P2RX5: variants seen among roughly 807,000 people sequenced by gnomAD.
P2RX5 encodes purinergic receptor P2X 5, also known as P2X purinoceptor 5.
A neutral mutation model predicts 54.1 loss-of-function variants in P2RX5; 46 were observed. That is an observed-to-expected ratio of 0.85 (90% CI 0.67 to 1.09). The LOEUF (loss-of-function observed/expected upper bound fraction) is 1.09. Ranked by LOEUF, P2RX5 falls within the 50% of genes least tolerant of loss-of-function variation. The pLI, the probability that P2RX5 is intolerant of heterozygous loss-of-function variation, is 0.00. For missense variants in P2RX5, 566 were observed against 549.8 expected, an observed-to-expected ratio of 1.03 and a Z score of -0.29; for synonymous variants, 226 against 226.4, an observed-to-expected ratio of 1.00 and a Z score of 0.02.
intron 11 of P2RX5, chr17:3,677,587 C>G (rs2050133938): frequency 6.1e-6 from 6 of 985,392 alleles, no homozygotes; most frequent in Non-Finnish European, 7.2e-6. Flanking sequence ...TTTCGGAAAC[C>G]CTGCTAGAGG....
At chr17:3,681,525 G>A (rs1025260005) in intron 10 of P2RX5, among the ~76,000 whole-genome samples, 3 of 152,154 alleles carry the variant, frequency 2.0e-5, no homozygotes, top group Non-Finnish European at 2.9e-5. Context: ...CCTCAGCCCC[G>A]GCGCACCAGG....
intron 10 of P2RX5, among the ~76,000 whole-genome samples, 195 bp from the exon 11 acceptor site, chr17:3,679,979 G>GTCCTCCACCCTGCT (rs1438149557): frequency 1.6e-4 from 23 of 145,480 alleles, no homozygotes; most frequent in East Asian, 4.1e-4. Flanking sequence ...TCCACCCTGA[G>GTCCTCCACCCTGCT]TCCTCCACCC....
the P2RX5 span, chr17:3,715,074 AACTT>A: frequency 3.2e-6 from 2 of 616,280 alleles, no homozygotes; most frequent in Non-Finnish European, 5.8e-6. Flanking sequence ...CCCTTCTCCT[AACTT>A]ACTCTGAATC....
At chr17:3,685,489 C>T (rs144618530) in intron 9 of P2RX5, 2,261 of 154,228 alleles carry the variant, frequency 0.015, 36 homozygotes, top group Middle Eastern at 0.082. Context: ...GAGGGTGGGA[C>T]GCGGGGAGGG....
chr17:3,722,154 C>A, the P2RX5 span, among the ~76,000 whole-genome samples: 1 of 145,210 alleles, frequency 6.9e-6, no homozygotes, highest in Non-Finnish European at 1.5e-5. Flanking sequence ...ACAACAAGAG[C>A]GAAACTCCGT....
At chr17:3,719,252 A>G in the P2RX5 span, among the ~76,000 whole-genome samples, 11 of 130,324 alleles carry the variant, frequency 8.4e-5, no homozygotes, top group South Asian at 4.4e-4. Flanking sequence ...AAAAAAAAAA[A>G]AAAAGAAAAG....
chr17:3,703,312 G>A, the P2RX5 span, among the ~76,000 whole-genome samples: 4 of 152,028 alleles, frequency 2.6e-5, no homozygotes, highest in Non-Finnish European at 4.4e-5. Context: ...AGAGACCAGC[G>A]TGGACAACGA....
chr17:3,712,041 G>A, the P2RX5 span, among the ~76,000 whole-genome samples: 2 of 152,180 alleles, frequency 1.3e-5, no homozygotes, highest in Admixed American at 6.5e-5. Flanking sequence ...TGGAAGTGGG[G>A]TCTTATTTGC....
chr17:3,685,033 G>A (rs1198597744), intron 9 of P2RX5, among the ~76,000 whole-genome samples: 1 of 151,826 alleles, frequency 6.6e-6, no homozygotes, highest in Non-Finnish European at 1.5e-5. Context: ...TTTAGTAGAG[G>A]CAGGGTTTCT....
chr17:3,692,044 G>A (rs182600414), intron 1 of P2RX5: 150 of 537,150 alleles, frequency 2.8e-4, no homozygotes, highest in South Asian at 1.9e-3. Flanking sequence ...AAGACCAGCC[G>A]GGCGCAGTGG....
At chr17:3,711,367 A>ATTTTTTTTTTTTTTTTTTTTTTTTTTTTT in the P2RX5 span, among the ~76,000 whole-genome samples, 1 of 88,154 alleles carries the variant, frequency 1.1e-5, no homozygotes, top group Non-Finnish European at 2.1e-5. Context: ...CCCAGCACTC[A>ATTTTTTTTTTTTTTTTTTTTTTTTTTTTT]TTCTTTTTTT....
chr17:3,705,271 G>A, the P2RX5 span, among the ~76,000 whole-genome samples: 498 of 152,230 alleles, frequency 3.3e-3, 1 homozygote, highest in African/African-American at 0.011. Context: ...CAAATACCAC[G>A]AATGCCCGTG....
the P2RX5 span, chr17:3,715,029 G>T: frequency 1.4e-6 from 1 of 730,232 alleles, no homozygotes; most frequent in Non-Finnish European, 2.4e-6. Flanking sequence ...TGCCTAAATA[G>T]CCCCTATATT....
At chr17:3,677,035 C>G in intron 11 of P2RX5, 1 of 960,870 alleles carries the variant, frequency 1.0e-6, no homozygotes, top group Non-Finnish European at 1.2e-6. Flanking sequence ...GCACTCCAGC[C>G]TGGGTGACAG....
upstream of P2RX5, among the ~76,000 whole-genome samples, chr17:3,699,838 G>GAGAA (rs143017694): frequency 1.3e-4 from 17 of 127,762 alleles, 1 homozygote; most frequent in African/African-American, 4.0e-4. Context: ...GAGAGAGAGA[G>GAGAA]AGAAAGAAAA....
At chr17:3,712,240 C>T in the P2RX5 span, among the ~76,000 whole-genome samples, 2 of 152,132 alleles carry the variant, frequency 1.3e-5, no homozygotes, top group African/African-American at 4.8e-5. Context: ...AAACAGAGAA[C>T]AATATCATCA....
At chr17:3,714,461 C>T in the P2RX5 span, among the ~76,000 whole-genome samples, 1 of 151,676 alleles carries the variant, frequency 6.6e-6, no homozygotes, top group East Asian at 1.9e-4. Context: ...CTCTTGACCT[C>T]GTGATCTGCC....
At chr17:3,723,467 G>GT in the P2RX5 span, 1 of 1,110,252 alleles carries the variant, frequency 9.0e-7, no homozygotes, top group Non-Finnish European at 1.4e-6. Context: ...ACAGAGCATC[G>GT]TAAGGTCCCA....
At chr17:3,718,050 T>A in the P2RX5 span, 1 of 152,324 alleles carries the variant, frequency 6.6e-6, no homozygotes, top group East Asian at 1.9e-4. Context: ...GATGCCCAAG[T>A]AGAGGTTAAG....
Sources: gnomAD v4.1 joint callset for allele counts (sites outside exome capture counted in the v4.1 genomes callset) on GRCh38, gnomAD v4.1.1 for gene constraint, MANE v1.5 for transcripts, NCBI Gene and HGNC (gene_info 2026-07-23, HGNC 2026-07-21) for gene names.